The following RBMS3 variants were observed in gnomAD, a reference collection of about 807,000 sequenced individuals.
RBMS3 encodes the protein RNA-binding motif, single-stranded-interacting protein 3.
In RBMS3, 27 loss-of-function variants were observed where a neutral mutation model predicts 66.8. The observed-to-expected ratio is 0.40, with a 90% CI of 0.30 to 0.56. The LOEUF (loss-of-function observed/expected upper bound fraction) is 0.56. RBMS3 is among the 20% of genes least tolerant of loss of function. The pLI is 0.40. For missense variants in RBMS3, 513 were observed against 549.5 expected, an observed-to-expected ratio of 0.93 and a Z score of 0.66; for synonymous variants, 188 against 183.0, an observed-to-expected ratio of 1.03 and a Z score of -0.22.
intron 3 of RBMS3, among the ~76,000 whole-genome samples, chr3:29,574,583 T>C (rs1436143413): frequency 6.6e-6 from 1 of 152,114 alleles, no homozygotes; most frequent in Non-Finnish European, 1.5e-5. Context: ...GGCAGGGACT[T>C]ATTCTTTCCG....
rs2060147804 is a variant in RBMS3, at chr3:29,897,398, A to G, written c.811A>G (p.Ser271Gly). ...TTGCAGATTTTATTCTTCACCGTAC[A>G]GTATTGCAACCAACCGCATGATTCC... ...IQNGFYSSPY[S>G]IATNRMIPQT... Residue 271 changes from serine to glycine, a missense_variant, in exon 9 of 15, where the codon AGT becomes GGT. By Grantham distance (56) the Ser-to-Gly change is moderately conservative. Coordinates refer to ENST00000383767, the MANE Select transcript of RBMS3 (RefSeq NM_001003793.3). 6.2e-7 allele frequency: 1 copy of G among 1,610,914 alleles called. No homozygotes were observed. Among genetic ancestry groups the G allele is most frequent in the Non-Finnish European group, 8.5e-7 (1 of 1,177,884 alleles).
intron 10 of RBMS3, among the ~76,000 whole-genome samples, chr3:29,922,286 G>T (rs1328837376): frequency 4.6e-5 from 7 of 151,696 alleles, no homozygotes; most frequent in African/African-American, 1.5e-4. Flanking sequence ...AGGAGATCGA[G>T]ACCATCCTGG....
chr3:29,817,205 T>TTTTTTTTTTTTG, intron 6 of RBMS3, among the ~76,000 whole-genome samples: 9 of 149,320 alleles, frequency 6.0e-5, no homozygotes, highest in Admixed American at 6.7e-5. Flanking sequence ...TTTTTTTTTT[T>TTTTTTTTTTTTG]GAGGCAAAGT....
At chr3:29,836,123 A>T (rs969500147) in intron 6 of RBMS3, among the ~76,000 whole-genome samples, 1 of 152,032 alleles carries the variant, frequency 6.6e-6, no homozygotes, top group Admixed American at 6.6e-5. Flanking sequence ...TCATTAATGT[A>T]AAATCTCTCA....
At chr3:29,433,645 A>G (rs1003464577) in intron 1 of RBMS3, among the ~76,000 whole-genome samples, 1 of 152,176 alleles carries the variant, frequency 6.6e-6, no homozygotes, top group Non-Finnish European at 1.5e-5. Context: ...CTTAAAGGTC[A>G]CATAGCCAGT....
At chr3:29,960,802 T>C (rs1696381321) in intron 12 of RBMS3, among the ~76,000 whole-genome samples, 1 of 152,152 alleles carries the variant, frequency 6.6e-6, no homozygotes, top group South Asian at 2.1e-4. Flanking sequence ...TTTCTAGCCA[T>C]GGCTGGAGCA....
At chr3:29,970,357 T>A (rs1394389914) in intron 12 of RBMS3, among the ~76,000 whole-genome samples, 1 of 152,222 alleles carries the variant, frequency 6.6e-6, no homozygotes, top group Non-Finnish European at 1.5e-5. Context: ...TATTGCTTTT[T>A]CTTTTTGTTT....
intron 3 of RBMS3, among the ~76,000 whole-genome samples, chr3:29,566,634 CAAA>C (rs11445860): frequency 0.038 from 4,597 of 119,908 alleles, 186 homozygotes; most frequent in African/African-American, 0.1. Context: ...AAGCAAAATG[CAAA>C]AAAAAAAAAA....
chr3:29,945,789 G>T (rs979093349), intron 12 of RBMS3, among the ~76,000 whole-genome samples: 1 of 151,668 alleles, frequency 6.6e-6, no homozygotes, highest in Non-Finnish European at 1.5e-5. Context: ...CAGAAGATCT[G>T]GCTGACAATC....
At chr3:29,383,374 C>T (rs779484133) in intron 1 of RBMS3, among the ~76,000 whole-genome samples, 1 of 152,114 alleles carries the variant, frequency 6.6e-6, no homozygotes, top group Non-Finnish European at 1.5e-5. Context: ...ATATTGAATG[C>T]AAATATTTTG....
chr3:29,995,625 A>C (rs373816834), intron 14 of RBMS3, among the ~76,000 whole-genome samples: 1,542 of 151,888 alleles, frequency 0.01, 11 homozygotes, highest in Non-Finnish European at 0.014. Flanking sequence ...ACATTCTTAA[A>C]GAAAAGAATT....
intron 3 of RBMS3, among the ~76,000 whole-genome samples, chr3:29,542,509 T>A (rs886392415): frequency 6.6e-6 from 1 of 152,128 alleles, no homozygotes; most frequent in Non-Finnish European, 1.5e-5. Flanking sequence ...TACAAGCACT[T>A]GCCGTCACAC....
chr3:29,371,804 A>G (rs933299556), intron 1 of RBMS3, among the ~76,000 whole-genome samples: 1 of 152,130 alleles, frequency 6.6e-6, no homozygotes, highest in African/African-American at 2.4e-5. Flanking sequence ...AAACCAGCAA[A>G]CCTGACTAAC....
At chr3:29,615,840 T>C (rs1392118324) in intron 4 of RBMS3, 4 of 152,222 alleles carry the variant, frequency 2.6e-5, no homozygotes, top group Non-Finnish European at 5.9e-5. Flanking sequence ...AAATAAAACA[T>C]CTCTCTTATG....
rs545072107 is a variant in RBMS3, at chr3:29,283,948, G to A, written c.75+2192G>A. Reference sequence around the variant, plus strand: ...TGTGCAATCATATTTTAAAATGTGGGTACTGGGGATTTTCTGACAGGGTTA... The same window carrying A: ...TGTGCAATCATATTTTAAAATGTGGATACTGGGGATTTTCTGACAGGGTTA... On this transcript the variant is annotated intron_variant, in intron 1 of 14. Coordinates refer to ENST00000383767, the MANE Select transcript of RBMS3 (RefSeq NM_001003793.3). Among the ~76,000 whole-genome samples the A allele has an allele frequency of 5.9e-5, 9 of 152,210 alleles. No individual in the cohort carries two copies. The South Asian group carries it at 6.2e-4, about 11-fold the overall frequency.
intron 1 of RBMS3, among the ~76,000 whole-genome samples, chr3:29,352,044 A>G (rs1233922505): frequency 6.6e-6 from 1 of 151,912 alleles, no homozygotes; most frequent in East Asian, 1.9e-4. Context: ...TTTAATTCTC[A>G]TATGTTTTGG....
At chr3:29,720,645 C>T (rs909744976) in intron 4 of RBMS3, among the ~76,000 whole-genome samples, 3 of 151,318 alleles carry the variant, frequency 2.0e-5, no homozygotes, top group Admixed American at 2.0e-4. Context: ...ATTGTTCTCA[C>T]TAAAGTGTGT....
chr3:29,657,007 G>C (rs1433014504), intron 4 of RBMS3, among the ~76,000 whole-genome samples: 1 of 152,142 alleles, frequency 6.6e-6, no homozygotes, highest in Non-Finnish European at 1.5e-5. Context: ...CGATAAGAAT[G>C]CAGTGAATTA....
At chr3:29,708,996 G>A (rs761692280) in intron 4 of RBMS3, among the ~76,000 whole-genome samples, 3 of 152,224 alleles carry the variant, frequency 2.0e-5, no homozygotes, top group South Asian at 2.1e-4. Flanking sequence ...ATGCCTGGCC[G>A]TCTCAGCCCA....
Sources: gnomAD v4.1 joint callset for allele counts (sites outside exome capture counted in the v4.1 genomes callset) on GRCh38, gnomAD v4.1.1 for gene constraint, MANE v1.5 for transcripts, NCBI Gene and HGNC (gene_info 2026-07-23, HGNC 2026-07-21) for gene names.